SLCO1A2: variants seen among roughly 807,000 people sequenced by gnomAD.
SLCO1A2 encodes OATP-1.
Under a neutral mutation model 69.0 loss-of-function variants are expected in SLCO1A2, and 67 were observed. The observed-to-expected ratio is 0.97, with a 90% CI of 0.80 to 1.19. The LOEUF (loss-of-function observed/expected upper bound fraction) is 1.19, where lower values mean the gene tolerates loss of function less well. Ranked by LOEUF, SLCO1A2 falls within the 50% of genes most tolerant of loss-of-function variation. The pLI, the probability that SLCO1A2 is intolerant of heterozygous loss-of-function variation, is 0.00. For missense variants in SLCO1A2, 787 were observed against 793.7 expected (o/e 0.99, Z 0.10); for synonymous variants, 260 against 265.9 (o/e 0.98, Z 0.22).
chr12:21,373,309 G>T, intron 2 of SLCO1A2: 1 of 1,293,498 alleles, frequency 7.7e-7, no homozygotes, highest in Non-Finnish European at 1.1e-6. Context: ...GAAATCTCTT[G>T]ATTTCAGTGC....
In SLCO1A2 at chr12:21,295,756, A is replaced by G; in HGVS notation, c.1112T>C (p.Ile371Thr). ...YNLPPICIGYIIGGLIMKKFK... is the reference protein window; with the variant it reads ...YNLPPICIGYTIGGLIMKKFK... ...CTTCTTCATAATTAAACCACCAATT[A>G]TATATCCAATACATATTGGAGGTAA... Residue 371 changes from isoleucine (I) to threonine (T), a missense_variant, in exon 10 of 15, where the codon ATA becomes ACA. Coordinates refer to ENST00000683939, the MANE Select transcript of SLCO1A2 (RefSeq NM_001386879.1). The G allele has an allele frequency of 1.3e-6, 2 of 1,591,930 alleles. No homozygotes were observed. Among genetic ancestry groups the G allele is most frequent in the Non-Finnish European group, 1.7e-6 (2 of 1,160,350 alleles).
chr12:21,356,582 G>A (rs900757278), intron 2 of SLCO1A2, among the ~76,000 whole-genome samples: 1 of 152,018 alleles, frequency 6.6e-6, no homozygotes, highest in Non-Finnish European at 1.5e-5. Flanking sequence ...TTTTGAAAAA[G>A]CATTAAATGT....
At position 21,318,750 on chromosome 12, in the gene SLCO1A2, C is replaced by CA. The variant is rs774634326; in HGVS notation, c.202+31dup. 2.5e-6 allele frequency: 4 copies of CA among 1,570,372 alleles called. No homozygotes were observed. In the African/African-American group the frequency reaches 5.5e-5, roughly 22 times the overall value. ...CTAGCTCCACAGATAAGACAAAATACAAAAAGAAGAAATGCAAAAATAATT... is the reference window on the plus strand; with the variant it reads ...CTAGCTCCACAGATAAGACAAAATACAAAAAAGAAGAAATGCAAAAATAATT... On this transcript the variant is annotated intron_variant, in intron 3 of 14. Transcript: ENST00000683939.
chr12:21,342,994 G>A (rs142163336), intron 2 of SLCO1A2, among the ~76,000 whole-genome samples: 9 of 152,146 alleles, frequency 5.9e-5, no homozygotes, highest in East Asian at 1.9e-4. Context: ...TGACCTGTGC[G>A]TCACATCCAG....
intron 12 of SLCO1A2, among the ~76,000 whole-genome samples, chr12:21,285,361 A>C (rs1945554978): frequency 6.6e-6 from 1 of 151,402 alleles, no homozygotes; most frequent in Non-Finnish European, 1.5e-5. Context: ...TTGTGGCAAT[A>C]ATCAATAGTT....
At chr12:21,349,962 A>G (rs1266383966) in intron 2 of SLCO1A2, among the ~76,000 whole-genome samples, 3 of 152,152 alleles carry the variant, frequency 2.0e-5, no homozygotes, top group East Asian at 3.8e-4. Context: ...TCACCTCTCA[A>G]TCACTTCCCC....
At chr12:21,361,288 C>A (rs964730251) in intron 2 of SLCO1A2, among the ~76,000 whole-genome samples, 3 of 152,176 alleles carry the variant, frequency 2.0e-5, no homozygotes, top group African/African-American at 7.2e-5. Flanking sequence ...TGGAGTGGAC[C>A]TCCAGCAAAC....
At chr12:21,315,476 A>G (rs1950755827) in intron 3 of SLCO1A2, among the ~76,000 whole-genome samples, 1 of 152,230 alleles carries the variant, frequency 6.6e-6, no homozygotes, top group Admixed American at 6.5e-5. Context: ...TTTTTAATTC[A>G]GTAAATAATA....
chr12:21,386,805 G>A (rs1940905996), intron 1 of SLCO1A2, among the ~76,000 whole-genome samples: 1 of 152,088 alleles, frequency 6.6e-6, no homozygotes, highest in South Asian at 2.1e-4. Context: ...ACAAGCAGAG[G>A]TTGGAATAGT....
upstream of SLCO1A2, among the ~76,000 whole-genome samples, chr12:21,418,263 A>G (rs139117370): frequency 1.1e-3 from 168 of 152,332 alleles, no homozygotes; most frequent in African/African-American, 3.8e-3. Flanking sequence ...CTCAATTTAC[A>G]TATATGATTA....
chr12:21,403,766 C>T (rs1941777527), intron 1 of SLCO1A2: 1 of 129,524 alleles, frequency 7.7e-6, no homozygotes, highest in Non-Finnish European at 1.6e-5. Flanking sequence ...TTAACTCTTA[C>T]GTGGCTTTGG....
intron 4 of SLCO1A2, among the ~76,000 whole-genome samples, 186 bp from the exon 5 acceptor site, chr12:21,307,174 A>T (rs560812718): frequency 6.6e-6 from 1 of 152,326 alleles, no homozygotes; most frequent in East Asian, 1.9e-4. Context: ...ACTTTCTGTA[A>T]ATGAACAATC....
rs763513618 is a variant in SLCO1A2 at position 21,292,334 on chromosome 12, C to A, written c.1440G>T (p.Val480=). 4 of 1,601,400 alleles carry A rather than the reference C, an allele frequency of 2.5e-6. No homozygotes were observed. Among genetic ancestry groups the A allele is most frequent in the African/African-American group, 2.7e-5 (2 of 74,184 alleles). ...TTTGAATACAGCTGCAATTTTGGAA[C>A]ACCTGCCAAAAAATAACATATTATA... ...ETSIGTGINM[V]FQNCSCIQTS... is the part of the protein sequence containing the mutation. Residue 480 remains valine (V), a splice_region_variant and synonymous_variant, in exon 12 of 15, where the codon GTG becomes GTT. Transcript: ENST00000683939.
chr12:21,266,397 A>G lies in SLCO1A2; in HGVS notation c.*3151T>C, dbSNP rs1942068282. 1 of 152,156 alleles carries G rather than the reference A, an allele frequency of 6.6e-6. No homozygotes were observed. The highest frequency in any genetic ancestry group is 2.1e-4 in the South Asian group (1 of 4,834). The allele number at this position is 152,156 out of a possible 1,614,324, so 9.4% of individuals were successfully genotyped here. A position where few individuals can be genotyped will look rare whatever the true frequency, so the allele number is the denominator to read the frequency against. On this transcript the variant is annotated 3_prime_UTR_variant, in exon 15 of 15. Transcript: ENST00000683939. ...CAGAGACTGATTAAAAGGCTTTTCTAATATACCAGAAAGACTAAGGGTCTT... is the reference window on the plus strand; with the variant it reads ...CAGAGACTGATTAAAAGGCTTTTCTGATATACCAGAAAGACTAAGGGTCTT...
At chr12:21,351,613 T>C (rs537794049) in intron 2 of SLCO1A2, among the ~76,000 whole-genome samples, 6 of 151,640 alleles carry the variant, frequency 4.0e-5, no homozygotes, top group Non-Finnish European at 7.4e-5. Flanking sequence ...CCATCTCTAC[T>C]AAAAAATACA....
intron 4 of SLCO1A2, 35 bp downstream of exon 4, chr12:21,314,514 T>C: frequency 6.2e-7 from 1 of 1,611,364 alleles, no homozygotes; most frequent in Non-Finnish European, 8.5e-7. Context: ...CAAGTGAAAT[T>C]TGACCACCCA....
At position 21,266,145 on chromosome 12, in the gene SLCO1A2, T is replaced by A. The variant is rs562430445; in HGVS notation, c.*3403A>T. ...CACCTATGAATCAGCCAGTATCTGA[T>A]CTAACAGCTCTGGTTACATAACATT... On this transcript the variant is annotated 3_prime_UTR_variant, in exon 15 of 15. Transcript: ENST00000683939. 2.3e-4 allele frequency: 35 copies of A among 152,270 alleles called. No individual in the cohort carries two copies. The highest frequency in any genetic ancestry group is 6.7e-4 in the African/African-American group (28 of 41,576). The allele number at this position is 152,270 out of a possible 1,614,324, so 9.4% of individuals were successfully genotyped here. A position where few individuals can be genotyped will look rare whatever the true frequency, so the allele number is the denominator to read the frequency against.
intron 4 of SLCO1A2, among the ~76,000 whole-genome samples, chr12:21,314,047 T>G (rs199870331): frequency 6.6e-6 from 1 of 151,350 alleles, no homozygotes; most frequent in Non-Finnish European, 1.5e-5. Flanking sequence ...CTAAAAGTTA[T>G]AAGCACTTGC....
chr12:21,416,677 G>A (rs1221318057), intron 1 of SLCO1A2, among the ~76,000 whole-genome samples: 1 of 151,906 alleles, frequency 6.6e-6, no homozygotes, highest in Non-Finnish European at 1.5e-5. Context: ...ACTATTCACA[G>A]GAGCAATTCC....
Sources: gnomAD v4.1 joint callset for allele counts (sites outside exome capture counted in the v4.1 genomes callset) on GRCh38, gnomAD v4.1.1 for gene constraint, MANE v1.5 for transcripts, NCBI Gene and HGNC (gene_info 2026-07-23, HGNC 2026-07-21) for gene names.